ARB2A: variants seen among roughly 807,000 people sequenced by gnomAD.
ARB2A encodes the protein cotranscriptional regulator ARB2A.
the ARB2A span, among the ~76,000 whole-genome samples, chr5:94,069,073 G>GATAC: frequency 2.0e-5 from 3 of 151,766 alleles, no homozygotes; most frequent in African/African-American, 4.8e-5. Context: ...TAGATAGATA[G>GATAC]ATAGATAGAT....
chr5:94,039,412 T>C, the ARB2A span, among the ~76,000 whole-genome samples: 1 of 151,944 alleles, frequency 6.6e-6, no homozygotes, highest in Admixed American at 6.6e-5. Context: ...CCCATGAGAG[T>C]AACCTCTGGT....
At chr5:94,095,952 T>G in the ARB2A span, among the ~76,000 whole-genome samples, 122 of 152,236 alleles carry the variant, frequency 8.0e-4, no homozygotes, top group African/African-American at 2.9e-3. Context: ...GTTCAGCCAA[T>G]CCCTACTGAA....
chr5:93,724,701 AAATCATG>A, the ARB2A span, among the ~76,000 whole-genome samples: 1 of 152,054 alleles, frequency 6.6e-6, no homozygotes, highest in Admixed American at 6.6e-5. Flanking sequence ...TGGATGCCTG[AAATCATG>A]GATAGTACCA....
the ARB2A span, among the ~76,000 whole-genome samples, chr5:93,972,578 A>T: frequency 2.6e-5 from 4 of 152,262 alleles, no homozygotes; most frequent in Middle Eastern, 3.4e-3. Flanking sequence ...AAATGATCCC[A>T]CTAGTTCCCC....
chr5:93,942,226 T>C, the ARB2A span, among the ~76,000 whole-genome samples: 1 of 152,158 alleles, frequency 6.6e-6, no homozygotes, highest in South Asian at 2.1e-4. Context: ...CTCATTGTTT[T>C]CTTTGCTGGC....
At chr5:93,681,091 A>AT in the ARB2A span, among the ~76,000 whole-genome samples, 1 of 152,144 alleles carries the variant, frequency 6.6e-6, no homozygotes, top group East Asian at 1.9e-4. Context: ...CAAGAAGAAG[A>AT]TTTTATATGT....
chr5:93,939,294 T>C, the ARB2A span, among the ~76,000 whole-genome samples: 2 of 152,296 alleles, frequency 1.3e-5, no homozygotes, highest in East Asian at 3.9e-4. Flanking sequence ...ATAAGTATTT[T>C]AATAAGTAAG....
At chr5:93,995,666 G>C in the ARB2A span, among the ~76,000 whole-genome samples, 2 of 152,186 alleles carry the variant, frequency 1.3e-5, no homozygotes, top group African/African-American at 4.8e-5. Flanking sequence ...CCTAACTCCT[G>C]TGTTGTTCAA....
At chr5:94,026,830 ATGT>A in the ARB2A span, among the ~76,000 whole-genome samples, 3 of 152,176 alleles carry the variant, frequency 2.0e-5, no homozygotes, top group Non-Finnish European at 2.9e-5. Flanking sequence ...TGTCTGCCAC[ATGT>A]TGTTATCAAT....
At chr5:93,972,911 TAA>T in the ARB2A span, among the ~76,000 whole-genome samples, 48 of 114,462 alleles carry the variant, frequency 4.2e-4, no homozygotes, top group Non-Finnish European at 4.3e-4. Flanking sequence ...CCTTGTCTCT[TAA>T]AAAAAAAAAA....
At chr5:93,635,466 T>G in the ARB2A span, among the ~76,000 whole-genome samples, 2 of 150,442 alleles carry the variant, frequency 1.3e-5, no homozygotes, top group Non-Finnish European at 3.0e-5. Flanking sequence ...AAAGTTTTTT[T>G]TTTTTTTTTT....
the ARB2A span, among the ~76,000 whole-genome samples, chr5:93,943,205 G>T: frequency 6.6e-6 from 1 of 152,004 alleles, no homozygotes; most frequent in Non-Finnish European, 1.5e-5. Context: ...CATCTAAAAT[G>T]ATTACTCCAA....
chr5:94,074,557 ATT>A, the ARB2A span: 1 of 973,606 alleles, frequency 1.0e-6, no homozygotes, highest in East Asian at 2.6e-5. Flanking sequence ...CTTATTTTAG[ATT>A]TGAAATGAAT....
At chr5:93,929,630 A>C in the ARB2A span, among the ~76,000 whole-genome samples, 2 of 152,324 alleles carry the variant, frequency 1.3e-5, no homozygotes, top group South Asian at 4.1e-4. Flanking sequence ...AAAAAAAAAT[A>C]AATGTAAAGT....
the ARB2A span, among the ~76,000 whole-genome samples, chr5:93,679,907 T>A: frequency 1.3e-5 from 2 of 152,128 alleles, no homozygotes; most frequent in African/African-American, 2.4e-5. Context: ...ATTTCTTGAC[T>A]TTTTTGGGCT....
chr5:93,654,003 G>C, the ARB2A span, among the ~76,000 whole-genome samples: 1 of 152,192 alleles, frequency 6.6e-6, no homozygotes, highest in Admixed American at 6.5e-5. Flanking sequence ...AAATAATTTA[G>C]TTCCGTTCAA....
the ARB2A span, chr5:93,964,311 A>G: frequency 1.2e-5 from 7 of 565,678 alleles, no homozygotes; most frequent in Non-Finnish European, 2.2e-5. Context: ...ATAAGCATTT[A>G]AAATTATCGC....
At chr5:94,026,272 G>A in the ARB2A span, among the ~76,000 whole-genome samples, 1 of 152,026 alleles carries the variant, frequency 6.6e-6, no homozygotes, top group South Asian at 2.1e-4. Flanking sequence ...CCGTCGTATG[G>A]GGTGGCTGCC....
the ARB2A span, among the ~76,000 whole-genome samples, chr5:93,810,593 G>A: frequency 4.6e-5 from 7 of 151,824 alleles, no homozygotes; most frequent in African/African-American, 1.7e-4. Flanking sequence ...TTGTAGAGAT[G>A]GGGTCTTACT....
Sources: allele counts gnomAD v4.1 joint callset (sites outside exome capture counted in the v4.1 genomes callset), GRCh38; gene constraint gnomAD v4.1.1; transcripts MANE v1.5; gene names NCBI Gene and HGNC (gene_info 2026-07-23, HGNC 2026-07-21).